Variants in FBRS observed in about 807,000 individuals in gnomAD.
The protein encoded by FBRS is probable fibrosin-1.
Under a neutral mutation model 86.1 loss-of-function variants are expected in FBRS, and 15 were observed. The ratio of observed to expected loss-of-function variants is 0.17; its 90% confidence interval spans 0.12 to 0.27. FBRS has a LOEUF of 0.27. FBRS is among the 10% of genes least tolerant of loss of function. The pLI is 1.00. For missense variants in FBRS, 1,367 were observed against 1,301.6 expected (o/e 1.05, Z -0.77); for synonymous variants, 666 against 575.8 (o/e 1.16, Z -2.24).
rs1282728764 is a variant in FBRS at position 30,670,630 on chromosome 16, TCGGCAGCCTCA to T, written c.*993_*1003del. On this transcript the variant is annotated 3_prime_UTR_variant, in exon 18 of 18. Coordinates refer to ENST00000356166, the MANE Select transcript of FBRS (RefSeq NM_001105079.3). ...GGGGTGGGCGACACAGGCAGCTTCT[TCGGCAGCCTCA>T]CGGCAGCAACCCCAGCCTTCCCAAA... 1 of 159,584 alleles carries T rather than the reference TCGGCAGCCTCA, an allele frequency of 6.3e-6. No homozygotes were observed. Among genetic ancestry groups the T allele is most frequent in the South Asian group, 1.8e-4 (1 of 5,704 alleles). The allele number at this position is 159,584 out of a possible 1,614,324, so 9.9% of individuals were successfully genotyped here.
chr16:30,667,579 TC>T lies in FBRS; in HGVS notation c.2034del (p.Ala680ProfsTer6). 6.5e-7 allele frequency: 1 copy of T among 1,542,840 alleles called. No individual in the cohort carries two copies. Among genetic ancestry groups the T allele is most frequent in the Non-Finnish European group, 8.7e-7 (1 of 1,142,886 alleles). On this transcript the variant is annotated frameshift_variant, in exon 15 of 18. Transcript: ENST00000356166. LOFTEE classifies it high-confidence loss of function. Reference protein sequence around the residue: ...HAAANPFTAAPGAHGPFLSPS... With the variant: ...HAAANPFTAAXGAHGPFLSPS... The stretch of plus-strand genomic sequence containing the variant: ...CTGCAGCCAACCCTTTCACGGCAGC[TC>T]CCGGGGCCCACGGACCCTTCCTGAG...
intron 2 of FBRS, among the ~76,000 whole-genome samples, chr16:30,660,957 C>T (rs1285677447): frequency 1.3e-5 from 2 of 152,090 alleles, no homozygotes; most frequent in African/African-American, 2.4e-5. Context: ...AGAAAAGACA[C>T]GGGGAAAAGT....
In FBRS at chr16:30,659,306, G is replaced by T. The variant is rs978332562; in HGVS notation, c.-213G>T. On this transcript the variant is annotated 5_prime_UTR_variant, in exon 1 of 18. Coordinates refer to ENST00000356166, the MANE Select transcript of FBRS (RefSeq NM_001105079.3). ...CGTCGCGGCCCCGCCGAGCCCGCAG[G>T]GGGGGCCCTCGGGCTTGTCGCCCCG... 4.3e-5 allele frequency: 8 copies of T among 184,706 alleles called. No individual in the cohort carries two copies. Among genetic ancestry groups the T allele is most frequent in the Non-Finnish European group, 6.7e-5 (6 of 89,932 alleles). 11.4% of individuals were successfully genotyped at this position (184,706 alleles called of 1,614,324 possible).
At chr16:30,660,118 C>T (rs376931675) in intron 1 of FBRS, 141 bp downstream of exon 1, 2 of 1,432,792 alleles carry the variant, frequency 1.4e-6, no homozygotes, top group East Asian at 5.4e-5. Flanking sequence ...AGGCCTCTGC[C>T]CCGCCCTGGG....
At position 30,666,518 on chromosome 16, in the gene FBRS, G is replaced by T; in HGVS notation, c.1780G>T (p.Asp594Tyr). ...GLSQKGTQIP[D>Y]HFRPPLRKPG... ...TCTCCTTTGCCATCCCCAGATCCCC[G>T]ACCATTTCCGGCCACCTTTGAGGGT... is the stretch of plus-strand genomic sequence containing the variant. The change falls in exon 12 of 18, where the codon GAC (aspartate) becomes TAC (tyrosine). Residue 594 changes from aspartate (D) to tyrosine (Y), a missense_variant. Physicochemically the swap from Asp to Tyr is radical, Grantham distance 160. Around this residue, in one of 3 missense-constraint regions of FBRS, gnomAD observed 659 missense variants for 678.8 expected, o/e 0.97. Transcript: ENST00000356166. The T allele has an allele frequency of 6.2e-7, 1 of 1,613,992 alleles. No individual in the cohort carries two copies. The highest frequency in any genetic ancestry group is 8.5e-7 in the Non-Finnish European group (1 of 1,179,896).
chr16:30,661,253 C>A (rs1319967417), intron 3 of FBRS, 38 bp downstream of exon 3: 1 of 1,550,884 alleles, frequency 6.4e-7, no homozygotes, highest in Admixed American at 2.0e-5. Flanking sequence ...CTCCCTGCTC[C>A]ACCCTGGGCC....
intron 4 of FBRS, among the ~76,000 whole-genome samples, chr16:30,661,648 T>C (rs2052463133): frequency 6.6e-6 from 1 of 152,166 alleles, no homozygotes; most frequent in Non-Finnish European, 1.5e-5. Context: ...AGATGGGCCT[T>C]CTTCCCATCT....
chr16:30,660,837 C>T (rs890538356), intron 2 of FBRS, among the ~76,000 whole-genome samples: 2 of 152,112 alleles, frequency 1.3e-5, no homozygotes, highest in African/African-American at 4.8e-5. Flanking sequence ...TACAGAAACC[C>T]ACATGAGGAA....
At chr16:30,661,443 C>T in intron 4 of FBRS, 110 bp downstream of exon 4, 5 of 1,536,432 alleles carry the variant, frequency 3.3e-6, no homozygotes, top group Non-Finnish European at 4.4e-6. Flanking sequence ...AGAAACATGG[C>T]TTAGGTTGAG....
intron 12 of FBRS, 46 bp downstream of exon 12, chr16:30,666,587 G>T (rs2052524644): frequency 3.7e-6 from 6 of 1,613,740 alleles, no homozygotes; most frequent in Non-Finnish European, 5.1e-6. Flanking sequence ...GGGGGCTGGT[G>T]TTAGCATGTT....
At position 30,667,563 on chromosome 16, in the gene FBRS, A is replaced by T; in HGVS notation, c.2015A>T (p.Asn672Ile). 1 of 1,542,174 alleles carries T rather than the reference A, an allele frequency of 6.5e-7. No individual in the cohort carries two copies. Among genetic ancestry groups the T allele is most frequent in the Non-Finnish European group, 8.8e-7 (1 of 1,142,492 alleles). The change falls in exon 15 of 18, where the codon AAC (asparagine) becomes ATC (isoleucine). Residue 672 changes from asparagine (N) to isoleucine (I), a missense_variant. Coordinates refer to ENST00000356166, the MANE Select transcript of FBRS (RefSeq NM_001105079.3). ...CCAGGTGCCGTCCACGCTGCAGCCA[A>T]CCCTTTCACGGCAGCTCCCGGGGCC... ...TATGAVHAAA[N>I]PFTAAPGAHG...
At chr16:30,667,690 C>G in intron 15 of FBRS, 68 bp downstream of exon 15, 1 of 1,365,600 alleles carries the variant, frequency 7.3e-7, no homozygotes, top group Admixed American at 2.9e-5. Context: ...GAAATCAGAC[C>G]CAGCAGGCAG....
In FBRS at chr16:30,659,319, G is replaced by A. The variant is rs983857305; in HGVS notation, c.-200G>A. 4 of 189,388 alleles carry A rather than the reference G, an allele frequency of 2.1e-5. No homozygotes were observed. Among genetic ancestry groups the A allele is most frequent in the African/African-American group, 9.5e-5 (4 of 42,196 alleles). The allele number at this position is 189,388 out of a possible 1,614,324, so 11.7% of individuals were successfully genotyped here. ...CCGAGCCCGCAGGGGGGGCCCTCGGGCTTGTCGCCCCGGGGGCGGCGCCGG... is the reference window on the plus strand; with the variant it reads ...CCGAGCCCGCAGGGGGGGCCCTCGGACTTGTCGCCCCGGGGGCGGCGCCGG... On this transcript the variant is annotated 5_prime_UTR_variant, in exon 1 of 18. Coordinates refer to ENST00000356166, the MANE Select transcript of FBRS (RefSeq NM_001105079.3).
Position 30,670,685 on chromosome 16 carries a change from C to T in FBRS, c.*1040C>T, listed in dbSNP as rs2052586550. 1 of 156,976 alleles carries T rather than the reference C, an allele frequency of 6.4e-6. No homozygotes were observed. Among genetic ancestry groups the T allele is most frequent in the African/African-American group, 2.4e-5 (1 of 41,456 alleles). The allele number at this position is 156,976 out of a possible 1,614,324, so 9.7% of individuals were successfully genotyped here. A position where few individuals can be genotyped will look rare whatever the true frequency, so the allele number is the denominator to read the frequency against. ...TCCCAAAGCAGCAGGCGCCTCCAGG[C>T]TGGGGCCCAACCTAGAAGGCAGGGG... is the stretch of plus-strand genomic sequence containing the variant. On this transcript the variant is annotated 3_prime_UTR_variant, in exon 18 of 18. Transcript: ENST00000356166.
rs758529947 is a variant in FBRS at position 30,669,646 on chromosome 16, G to T, written c.*1G>T. On this transcript the variant is annotated 3_prime_UTR_variant, in exon 18 of 18. Coordinates refer to ENST00000356166, the MANE Select transcript of FBRS (RefSeq NM_001105079.3). The surrounding 1 kb of genome is among the most constrained non-coding windows in gnomAD (Gnocchi z 5.9). ...TGGCCCAGCTCGGGCTGACAGGTGA[G>T]GGGAACGGGGGGGGGTCGGGGCAAA... is the stretch of plus-strand genomic sequence containing the variant. 1 of 1,586,472 alleles carries T rather than the reference G, an allele frequency of 6.3e-7. No homozygotes were observed. Among genetic ancestry groups the T allele is most frequent in the Non-Finnish European group, 8.5e-7 (1 of 1,170,118 alleles).
Position 30,662,699 on chromosome 16 carries a change from C to T in FBRS, c.895C>T (p.Pro299Ser). The change falls in exon 6 of 18, where the codon CCG becomes TCG. Residue 299 changes from proline to serine, a missense_variant. Transcript: ENST00000356166. ...LLVPFPPKEP[P>S]PPPVPRPPVS... is the part of the protein sequence containing the mutation. Reference sequence around the variant, plus strand: ...AGTGCCTTTCCCCCCAAAGGAACCACCGCCTCCACCGGTCCCTCGGCCTCC... The same window carrying T: ...AGTGCCTTTCCCCCCAAAGGAACCATCGCCTCCACCGGTCCCTCGGCCTCC... The T allele has an allele frequency of 6.5e-7, 1 of 1,549,066 alleles. No individual in the cohort carries two copies. Among genetic ancestry groups the T allele is most frequent in the Non-Finnish European group, 8.7e-7 (1 of 1,146,022 alleles).
At position 30,659,123 on chromosome 16, in the gene FBRS, A is replaced by AG. The variant is rs1324344134; in HGVS notation, c.-392dup. On this transcript the variant is annotated 5_prime_UTR_variant, in exon 1 of 18. Coordinates refer to ENST00000356166, the MANE Select transcript of FBRS (RefSeq NM_001105079.3). ...GGGGCGAGCTTTCGGCCCCTTTTAAAGGGGTGGCCCTTCCTCTTCCTCGGG... is the reference window on the plus strand; with the variant it reads ...GGGGCGAGCTTTCGGCCCCTTTTAAAGGGGGTGGCCCTTCCTCTTCCTCGGG... 6.6e-6 allele frequency: 1 copy of AG among 152,350 alleles called. No homozygotes were observed. Among genetic ancestry groups the AG allele is most frequent in the Non-Finnish European group, 1.5e-5 (1 of 68,172 alleles). 9.4% of individuals were successfully genotyped at this position (152,350 alleles called of 1,614,324 possible). A position where few individuals can be genotyped will look rare whatever the true frequency, so the allele number is the denominator to read the frequency against.
chr16:30,666,885 C>T, intron 12 of FBRS, 34 bp from the exon 13 acceptor site: 10 of 1,600,788 alleles, frequency 6.2e-6, no homozygotes, highest in Non-Finnish European at 8.5e-6. Flanking sequence ...TTCTTTCCTT[C>T]CCTTTCCCTT....
In FBRS at chr16:30,659,723, T is replaced by A; in HGVS notation, c.205T>A (p.Ser69Thr). ...SPPPPARPWS[S>T]ASSGERPGGP... is the part of the protein sequence containing the mutation. ...GCCGCCGCCCGCCAGGCCTTGGTCG[T>A]CAGCTTCGTCTGGAGAGCGGCCTGG... The change falls in exon 1 of 18, where the codon TCA becomes ACA. Residue 69 changes from serine to threonine, a missense_variant. By Grantham distance (58) the Ser-to-Thr change is moderately conservative. This residue lies in a region of FBRS where 702 missense variants were observed against 598.7 expected (regional missense o/e 1.17). Transcript: ENST00000356166. The A allele has an allele frequency of 8.3e-7, 1 of 1,202,846 alleles. No individual in the cohort carries two copies. The highest frequency in any genetic ancestry group is 2.7e-4 in the Middle Eastern group (1 of 3,706). 74.5% of individuals were successfully genotyped at this position (1,202,846 alleles called of 1,614,324 possible).
Sources: allele counts gnomAD v4.1 joint callset (sites outside exome capture counted in the v4.1 genomes callset), GRCh38; gene constraint gnomAD v4.1.1; regional missense constraint gnomAD v4.1.1; non-coding constraint Gnocchi (gnomAD v3.1); transcripts MANE v1.5; gene names NCBI Gene and HGNC (gene_info 2026-07-23, HGNC 2026-07-21).